RALGAPA2: variants seen among roughly 807,000 people sequenced by gnomAD.
RALGAPA2 encodes the protein ral GTPase-activating protein subunit alpha-2.
RALGAPA2 carries 139 observed loss-of-function variants against 230.4 expected under a neutral mutation model. That is an observed-to-expected ratio of 0.60 (90% CI 0.53 to 0.69). The LOEUF is 0.69. RALGAPA2 is among the 30% of genes least tolerant of loss of function. The pLI is 0.00. For missense variants in RALGAPA2, 2,163 were observed against 2,276.0 expected (o/e 0.95, Z 1.01); for synonymous variants, 847 against 837.8 (o/e 1.01, Z -0.19).
chr20:20,626,255 C>T (rs1190422645), intron 10 of RALGAPA2, among the ~76,000 whole-genome samples: 1 of 152,200 alleles, frequency 6.6e-6, no homozygotes, highest in East Asian at 1.9e-4. Context: ...CATTGACCAA[C>T]AGAGCAATAA....
At chr20:20,534,720 T>C (rs181951576) in intron 26 of RALGAPA2, among the ~76,000 whole-genome samples, 2 of 152,330 alleles carry the variant, frequency 1.3e-5, no homozygotes, top group South Asian at 2.1e-4. Context: ...GTAAAAACTC[T>C]TTCTGATTAA....
At chr20:20,591,877 T>C (rs2065301783) in intron 16 of RALGAPA2, among the ~76,000 whole-genome samples, 1 of 152,194 alleles carries the variant, frequency 6.6e-6, no homozygotes, top group South Asian at 2.1e-4. Flanking sequence ...TCCACAGGTA[T>C]TTGTAGAAAA....
chr20:20,395,604 G>A (rs1164091792), intron 39 of RALGAPA2, among the ~76,000 whole-genome samples: 4 of 152,164 alleles, frequency 2.6e-5, no homozygotes, highest in African/African-American at 9.7e-5. Flanking sequence ...TGGGCTCTGA[G>A]GCTCGTGTCA....
At chr20:20,505,731 A>G (rs1225922147) in intron 33 of RALGAPA2, among the ~76,000 whole-genome samples, 197 bp from the exon 34 acceptor site, 3 of 152,206 alleles carry the variant, frequency 2.0e-5, no homozygotes, top group Non-Finnish European at 2.9e-5. Flanking sequence ...GATGAGTATT[A>G]TTATCACCTC....
intron 3 of RALGAPA2, among the ~76,000 whole-genome samples, chr20:20,664,415 C>T (rs142055459): frequency 1.5e-3 from 224 of 152,112 alleles, no homozygotes; most frequent in African/African-American, 5.2e-3. Flanking sequence ...AATGACGGAA[C>T]GAACATTCAG....
At chr20:20,557,540 T>TAACACAGTC (rs1398935970) in intron 23 of RALGAPA2, among the ~76,000 whole-genome samples, 1 of 152,198 alleles carries the variant, frequency 6.6e-6, no homozygotes, top group Non-Finnish European at 1.5e-5. Flanking sequence ...ACCACAGACT[T>TAACACAGTC]AACACAGTCA....
chr20:20,639,659 C>T, intron 7 of RALGAPA2, 126 bp downstream of exon 7: 1 of 679,004 alleles, frequency 1.5e-6, no homozygotes, highest in Non-Finnish European at 2.5e-6. Context: ...GCTGAAATAT[C>T]ACATAAAATC....
At chr20:20,690,257 C>T (rs1016686309) in intron 1 of RALGAPA2, among the ~76,000 whole-genome samples, 7 of 152,110 alleles carry the variant, frequency 4.6e-5, no homozygotes, top group Non-Finnish European at 1.0e-4. Context: ...AACCCTGGCC[C>T]CTCCTTTAAT....
intron 39 of RALGAPA2, among the ~76,000 whole-genome samples, chr20:20,394,650 T>C (rs1602239544): frequency 6.6e-6 from 1 of 151,186 alleles, no homozygotes; most frequent in African/African-American, 2.4e-5. Flanking sequence ...ACACCACACA[T>C]GAAAAACCTC....
At chr20:20,571,366 T>G in intron 23 of RALGAPA2, 92 bp downstream of exon 23, 1 of 1,319,896 alleles carries the variant, frequency 7.6e-7, no homozygotes, top group East Asian at 2.5e-5. Context: ...TCAACACTTC[T>G]GATGTATTTT....
chr20:20,537,730 A>C (rs1035020856), intron 24 of RALGAPA2, among the ~76,000 whole-genome samples: 1 of 151,892 alleles, frequency 6.6e-6, no homozygotes, highest in Non-Finnish European at 1.5e-5. Flanking sequence ...CAATCTACTC[A>C]CCTATCTGTC....
intron 37 of RALGAPA2, among the ~76,000 whole-genome samples, chr20:20,463,205 TCTCA>T (rs1320006665): frequency 2.0e-5 from 3 of 151,930 alleles, no homozygotes; most frequent in Non-Finnish European, 4.4e-5. Context: ...TTTTTTTCTG[TCTCA>T]CTGTTTTTTG....
chr20:20,480,502 T>G (rs1221231993), intron 36 of RALGAPA2, among the ~76,000 whole-genome samples: 1 of 152,172 alleles, frequency 6.6e-6, no homozygotes, highest in Non-Finnish European at 1.5e-5. Context: ...TGACTTTAGT[T>G]TTAGTACTTA....
chr20:20,615,615 G>A (rs1415758184), intron 13 of RALGAPA2, among the ~76,000 whole-genome samples: 1 of 152,182 alleles, frequency 6.6e-6, no homozygotes, highest in African/African-American at 2.4e-5. Context: ...TATGTATTTA[G>A]TTTCTGATAA....
At chr20:20,623,341 A>G (rs1487778509) in intron 10 of RALGAPA2, among the ~76,000 whole-genome samples, 1 of 152,148 alleles carries the variant, frequency 6.6e-6, no homozygotes. Context: ...AAAAATAGAC[A>G]AGATAGACTT....
chr20:20,618,966 T>A (rs568659551), intron 12 of RALGAPA2, among the ~76,000 whole-genome samples: 123 of 152,314 alleles, frequency 8.1e-4, no homozygotes, highest in African/African-American at 2.9e-3. Flanking sequence ...TACTCATAAG[T>A]GTTTGGAAGA....
chr20:20,671,851 C>T (rs2068145350), intron 3 of RALGAPA2, among the ~76,000 whole-genome samples: 1 of 152,016 alleles, frequency 6.6e-6, no homozygotes, highest in Non-Finnish European at 1.5e-5. Flanking sequence ...TCCATGACAA[C>T]AAATGTAATT....
chr20:20,433,339 T>C (rs948752932), intron 37 of RALGAPA2, among the ~76,000 whole-genome samples: 2 of 152,062 alleles, frequency 1.3e-5, no homozygotes, highest in African/African-American at 4.8e-5. Flanking sequence ...AAAAAGGTGG[T>C]TGGGCAGGGA....
intron 16 of RALGAPA2, 69 bp from the exon 17 acceptor site, chr20:20,591,383 C>A: frequency 6.8e-7 from 1 of 1,475,116 alleles, no homozygotes; most frequent in South Asian, 1.3e-5. Flanking sequence ...CCACTTAAAA[C>A]AACCGATTTA....
Sources: allele counts gnomAD v4.1 joint callset (sites outside exome capture counted in the v4.1 genomes callset), GRCh38; gene constraint gnomAD v4.1.1; transcripts MANE v1.5; gene names NCBI Gene and HGNC (gene_info 2026-07-23, HGNC 2026-07-21).